The following ZNF385C variants were observed in gnomAD, a reference collection of about 807,000 sequenced individuals.
ZNF385C encodes zinc finger protein 385C.
In ZNF385C, 28 loss-of-function variants were observed where a neutral mutation model predicts 35.4. The observed-to-expected ratio is 0.79, with a 90% CI of 0.59 to 1.08. The LOEUF (loss-of-function observed/expected upper bound fraction) is 1.08, where lower values mean the gene tolerates loss of function less well. ZNF385C is among the 50% of genes least tolerant of loss of function. The pLI is 0.00. For synonymous variants in ZNF385C, 248 were observed against 248.2 expected (o/e 1.00, Z 0.01); for missense variants, 605 against 595.6 (o/e 1.02, Z -0.16).
chr17:42,058,885 G>A (rs2053419408), intron 2 of ZNF385C, among the ~76,000 whole-genome samples: 1 of 152,204 alleles, frequency 6.6e-6, no homozygotes, highest in Admixed American at 6.5e-5. Context: ...TCGAATTCTT[G>A]ACCTCAAGTG....
intron 1 of ZNF385C, among the ~76,000 whole-genome samples, chr17:42,073,022 G>T (rs1332724447): frequency 1.3e-5 from 2 of 152,206 alleles, no homozygotes; most frequent in African/African-American, 2.4e-5. Context: ...GAAACTCAGG[G>T]AGTGGGAGGA....
intron 6 of ZNF385C, 75 bp downstream of exon 6, chr17:42,028,708 A>T: frequency 6.7e-7 from 1 of 1,481,924 alleles, no homozygotes; most frequent in Non-Finnish European, 9.0e-7. Context: ...CCAGGAACTC[A>T]AGCCTGCCCT....
intron 2 of ZNF385C, among the ~76,000 whole-genome samples, chr17:42,055,944 G>T (rs2053369338): frequency 6.6e-6 from 1 of 152,184 alleles, no homozygotes; most frequent in Non-Finnish European, 1.5e-5. Flanking sequence ...CTCTCCCGCT[G>T]GAAGGCACAG....
At chr17:42,060,801 C>T (rs1367253366) in intron 2 of ZNF385C, among the ~76,000 whole-genome samples, 6 of 152,152 alleles carry the variant, frequency 3.9e-5, no homozygotes, top group Non-Finnish European at 5.9e-5. Flanking sequence ...CTGCAGCCTC[C>T]ACCTCCTGGG....
intron 5 of ZNF385C, 32 bp from the exon 6 acceptor site, chr17:42,029,105 A>C (rs782414977): frequency 3.9e-6 from 6 of 1,534,886 alleles, no homozygotes; most frequent in Non-Finnish European, 5.3e-6. Context: ...GTGAGACCCA[A>C]GATGACGCTG....
Position 42,026,475 on chromosome 17 carries a change from G to C in ZNF385C, c.*422C>G, listed in dbSNP as rs147945292. On this transcript the variant is annotated 3_prime_UTR_variant, in exon 9 of 9. Coordinates refer to ENST00000692273, the MANE Select transcript of ZNF385C (RefSeq NM_001392013.1). ...CAGCCTTGAGCCTGCTGCAGCTAGA[G>C]ACCCCATCCCTATCTCCAGTGAAGC... The C allele has an allele frequency of 1.6e-4, 34 of 215,714 alleles. No homozygotes were observed. Among genetic ancestry groups the C allele is most frequent in the African/African-American group, 7.1e-4 (30 of 42,310 alleles). The allele number at this position is 215,714 out of a possible 1,614,324, so 13.4% of individuals were successfully genotyped here.
intron 1 of ZNF385C, among the ~76,000 whole-genome samples, chr17:42,088,243 A>G (rs1169132315): frequency 1.3e-5 from 2 of 152,164 alleles, no homozygotes; most frequent in Admixed American, 6.5e-5. Flanking sequence ...AGATGAGGAG[A>G]CTGAGGACCC....
chr17:42,081,929 A>C (rs1174464509), intron 1 of ZNF385C, among the ~76,000 whole-genome samples: 1 of 152,140 alleles, frequency 6.6e-6, no homozygotes, highest in African/African-American at 2.4e-5. Flanking sequence ...TTTCTAGGAG[A>C]GCAAGGGCGA....
In ZNF385C at chr17:42,026,773, T is replaced by C; in HGVS notation, c.*124A>G. The C allele has an allele frequency of 3.1e-6, 3 of 969,006 alleles. No homozygotes were observed. The highest frequency in any genetic ancestry group is 4.8e-6 in the Non-Finnish European group (3 of 619,546). The allele number at this position is 969,006 out of a possible 1,614,324, so 60.0% of individuals were successfully genotyped here. A position where few individuals can be genotyped will look rare whatever the true frequency, so the allele number is the denominator to read the frequency against. On this transcript the variant is annotated 3_prime_UTR_variant, in exon 9 of 9. Coordinates refer to ENST00000692273, the MANE Select transcript of ZNF385C (RefSeq NM_001392013.1). Reference sequence around the variant, plus strand: ...CCCTTAAAACTAGCCCAGCTCTTTCTGGATCGGGCAGGACCCCTGAAGCTG... The same window carrying C: ...CCCTTAAAACTAGCCCAGCTCTTTCCGGATCGGGCAGGACCCCTGAAGCTG...
chr17:42,037,663 G>A (rs2052890609), intron 3 of ZNF385C, 74 bp downstream of exon 3: 2 of 1,440,046 alleles, frequency 1.4e-6, no homozygotes, highest in African/African-American at 2.9e-5. Context: ...CTGAGAGCTG[G>A]ACCCTCTGAA....
intron 1 of ZNF385C, among the ~76,000 whole-genome samples, chr17:42,073,059 G>C (rs2053647425): frequency 6.6e-6 from 1 of 152,170 alleles, no homozygotes; most frequent in African/African-American, 2.4e-5. Flanking sequence ...CCACCTGCTG[G>C]GTGCCAGGGG....
At chr17:42,041,172 G>T in intron 2 of ZNF385C, 1 of 1,232,484 alleles carries the variant, frequency 8.1e-7, no homozygotes, top group Non-Finnish European at 1.0e-6. Context: ...CTGTGTGCAA[G>T]ACACTGGCAA....
chr17:42,092,069 T>C (rs1276856312), intron 1 of ZNF385C, among the ~76,000 whole-genome samples: 2 of 152,170 alleles, frequency 1.3e-5, no homozygotes, highest in African/African-American at 4.8e-5. Flanking sequence ...TCTGCGAAAG[T>C]TCCTTTGCTC....
rs2053454564 is a variant in ZNF385C at position 42,061,174 on chromosome 17, T to C, written c.250+1633A>G. 1.3e-5 allele frequency: 2 copies of C among 150,076 alleles called. 1 individual carries two copies. Among genetic ancestry groups the C allele is most frequent in the South Asian group, 4.2e-4 (2 of 4,740 alleles). The allele number at this position is 150,076 out of a possible 1,614,324, so 9.3% of individuals were successfully genotyped here. On this transcript the variant is annotated intron_variant, in intron 2 of 8. Coordinates refer to ENST00000692273, the MANE Select transcript of ZNF385C (RefSeq NM_001392013.1). Reference sequence around the variant, plus strand: ...CCAAAAGCAGCTTACACCTAGTAGGTGGTCAATAAATATTTGGTGAATTAA... The same window carrying C: ...CCAAAAGCAGCTTACACCTAGTAGGCGGTCAATAAATATTTGGTGAATTAA...
intron 2 of ZNF385C, among the ~76,000 whole-genome samples, chr17:42,049,385 T>C (rs1477638237): frequency 5.3e-5 from 8 of 152,182 alleles, no homozygotes; most frequent in African/African-American, 1.7e-4. Flanking sequence ...TCATGCACGT[T>C]CCCTGAGGGC....
intron 2 of ZNF385C, chr17:42,061,678 T>C (rs1555658025): frequency 1.3e-5 from 2 of 152,358 alleles, no homozygotes. Context: ...CCTTTGCTTA[T>C]GCCGTGACCT....
At chr17:42,046,583 T>C (rs1458941165) in intron 2 of ZNF385C, among the ~76,000 whole-genome samples, 1 of 151,612 alleles carries the variant, frequency 6.6e-6, no homozygotes, top group Non-Finnish European at 1.5e-5. Flanking sequence ...CTGGGAAAAA[T>C]TGTGAGAACC....
At chr17:42,064,625 T>G (rs2053521523) in intron 1 of ZNF385C, among the ~76,000 whole-genome samples, 2 of 152,086 alleles carry the variant, frequency 1.3e-5, no homozygotes, top group East Asian at 3.9e-4. Context: ...ATTGGTGTGA[T>G]CTCGGCTCAC....
At chr17:42,065,725 C>T (rs1422807721) in intron 1 of ZNF385C, among the ~76,000 whole-genome samples, 3 of 152,172 alleles carry the variant, frequency 2.0e-5, no homozygotes, top group Admixed American at 6.5e-5. Flanking sequence ...GACAGGGTCT[C>T]GCTATGTTGC....
Sources: gnomAD v4.1 joint callset for allele counts (sites outside exome capture counted in the v4.1 genomes callset) on GRCh38, gnomAD v4.1.1 for gene constraint, MANE v1.5 for transcripts, NCBI Gene and HGNC (gene_info 2026-07-23, HGNC 2026-07-21) for gene names.